ANKRD36C: variants seen among roughly 807,000 people sequenced by gnomAD.
The protein encoded by ANKRD36C is ankyrin repeat domain-containing protein 36C.
A neutral mutation model predicts 276.4 loss-of-function variants in ANKRD36C; 61 were observed. The ratio of observed to expected loss-of-function variants is 0.22; its 90% CI spans 0.18 to 0.27. The LOEUF is 0.27. ANKRD36C is among the 10% of genes least tolerant of loss of function. The probability of loss-of-function intolerance (pLI) is 1.00; values close to 1 mark genes in which losing one functional copy is unlikely to be tolerated. For missense variants in ANKRD36C, 1,447 were observed against 2,032.3 expected, an observed-to-expected ratio of 0.71 and a Z score of 5.54; for synonymous variants, 483 against 680.1, an observed-to-expected ratio of 0.71 and a Z score of 4.51.
At chr2:95,918,782 G>A (rs1190716701) in intron 34 of ANKRD36C, among the ~76,000 whole-genome samples, 4 of 151,118 alleles carry the variant, frequency 2.6e-5, no homozygotes, top group Admixed American at 2.0e-4. Flanking sequence ...TAAACCTGCA[G>A]CAAGCGTTAG....
chr2:95,959,186 T>C (rs1678399693), intron 10 of ANKRD36C, among the ~76,000 whole-genome samples: 2 of 152,254 alleles, frequency 1.3e-5, no homozygotes, highest in African/African-American at 2.4e-5. Context: ...GAGGGATTTA[T>C]ACCATTATAC....
At chr2:95,911,012 T>A (rs1189808584) in intron 42 of ANKRD36C, among the ~76,000 whole-genome samples, 3 of 151,446 alleles carry the variant, frequency 2.0e-5, no homozygotes, top group Admixed American at 6.6e-5. Context: ...ACTTGCCCAA[T>A]AACTGAGAAG....
chr2:95,888,110 C>G (rs1676246638), exon 49 of ANKRD36C: 1 of 1,608,872 alleles, frequency 6.2e-7, no homozygotes, highest in African/African-American at 1.3e-5. Flanking sequence ...CTGGTTGTTT[C>G]TGAGAAGACA....
intron 34 of ANKRD36C, among the ~76,000 whole-genome samples, chr2:95,920,198 C>T (rs1349947281): frequency 3.0e-5 from 4 of 132,386 alleles, no homozygotes; most frequent in African/African-American, 1.1e-4. Context: ...GTGGATATGC[C>T]GAGTGATGAG....
chr2:95,933,750 G>T (rs1677636646), intron 24 of ANKRD36C, among the ~76,000 whole-genome samples: 1 of 152,272 alleles, frequency 6.6e-6, no homozygotes, highest in Admixed American at 6.5e-5. Context: ...CTTCCTATTT[G>T]AATACCCTTT....
chr2:95,857,750 G>C (rs1211698075), intron 61 of ANKRD36C, among the ~76,000 whole-genome samples: 3 of 149,156 alleles, frequency 2.0e-5, no homozygotes, highest in African/African-American at 7.3e-5. Flanking sequence ...GCCCTGCAAA[G>C]TCTCTTGTGG....
At chr2:95,890,734 C>T (rs1189264014) in intron 46 of ANKRD36C, among the ~76,000 whole-genome samples, 3 of 151,512 alleles carry the variant, frequency 2.0e-5, no homozygotes, top group African/African-American at 4.8e-5. Flanking sequence ...CTGCTACAAG[C>T]ATTAGATATT....
intron 6 of ANKRD36C, among the ~76,000 whole-genome samples, chr2:95,967,635 T>C (rs1476025751): frequency 6.6e-6 from 1 of 152,116 alleles, no homozygotes; most frequent in Non-Finnish European, 1.5e-5. Flanking sequence ...ATCACATTAC[T>C]GGGCATATAC....
intron 59 of ANKRD36C, among the ~76,000 whole-genome samples, chr2:95,870,192 G>A (rs906497128): frequency 1.3e-5 from 2 of 152,342 alleles, no homozygotes; most frequent in East Asian, 1.9e-4. Flanking sequence ...GGAGATCTGA[G>A]AATGGGCAGA....
chr2:95,988,097 G>A (rs1679068443), intron 1 of ANKRD36C, among the ~76,000 whole-genome samples: 1 of 150,100 alleles, frequency 6.7e-6, no homozygotes, highest in South Asian at 2.1e-4. Flanking sequence ...CATAGAACAG[G>A]CAGTTCTACT....
intron 44 of ANKRD36C, among the ~76,000 whole-genome samples, chr2:95,894,019 T>G (rs1387440281): frequency 6.6e-6 from 1 of 151,456 alleles, no homozygotes; most frequent in Non-Finnish European, 1.5e-5. Flanking sequence ...TGAGAACAAA[T>G]GTGATCTAAA....
chr2:95,851,877 A>T (rs1675299995), intron 65 of ANKRD36C, 90 bp from the exon 86 acceptor site: 10 of 1,370,778 alleles, frequency 7.3e-6, no homozygotes, highest in Non-Finnish European at 9.9e-6. Flanking sequence ...GTATAATTAC[A>T]CAAATTCTTA....
At chr2:95,889,573 G>T (rs1310880608) in intron 48 of ANKRD36C, among the ~76,000 whole-genome samples, 1 of 151,452 alleles carries the variant, frequency 6.6e-6, no homozygotes, top group Non-Finnish European at 1.5e-5. Context: ...CGGTCAGATG[G>T]TTCTTTTTCC....
At chr2:95,977,744 C>G (rs1020687441) in intron 6 of ANKRD36C, among the ~76,000 whole-genome samples, 5 of 152,080 alleles carry the variant, frequency 3.3e-5, no homozygotes, top group African/African-American at 9.7e-5. Context: ...ATTATTGATT[C>G]ATTTAGTAAT....
chr2:95,952,806 A>G lies in ANKRD36C; in HGVS notation c.1203+1133T>C, dbSNP rs368253903. Among the ~76,000 whole-genome samples the G allele has an allele frequency of 1.6e-4, 25 of 152,398 alleles. No homozygotes were observed. In the East Asian group the frequency reaches 3.7e-3, roughly 22 times the overall value. On this transcript the variant is annotated intron_variant, in intron 14 of 66. Coordinates refer to ENST00000456556, the Ensembl canonical transcript of ANKRD36C. ...GTAACATTCCATTATGAGAAAGCCCATTTACCTGTTTGCTGATTCACATTA... is the reference window on the plus strand; with the variant it reads ...GTAACATTCCATTATGAGAAAGCCCGTTTACCTGTTTGCTGATTCACATTA...
chr2:95,962,163 T>A (rs535429851), intron 8 of ANKRD36C, among the ~76,000 whole-genome samples, 189 bp downstream of exon 8: 25 of 152,134 alleles, frequency 1.6e-4, no homozygotes, highest in African/African-American at 4.8e-4. Flanking sequence ...AAGAACATAA[T>A]CTTACTACTC....
intron 30 of ANKRD36C, among the ~76,000 whole-genome samples, chr2:95,924,561 GA>G (rs1194695397): frequency 6.6e-6 from 1 of 151,504 alleles, no homozygotes; most frequent in Non-Finnish European, 1.5e-5. Flanking sequence ...GTATTATAAA[GA>G]ATTTTCACTA....
intron 6 of ANKRD36C, among the ~76,000 whole-genome samples, chr2:95,976,960 G>A (rs1678824631): frequency 6.6e-6 from 1 of 151,966 alleles, no homozygotes; most frequent in Non-Finnish European, 1.5e-5. Context: ...GGTGTGGAGG[G>A]AAAGTTCACA....
chr2:95,902,705 C>T lies in ANKRD36C; in HGVS notation c.2654-3369G>A, dbSNP rs577274985. Among the ~76,000 whole-genome samples the T allele has an allele frequency of 2.3e-4, 34 of 150,398 alleles. 1 individual carries two copies. Among genetic ancestry groups the T allele is most frequent in the East Asian group, 2.0e-3 (10 of 5,070 alleles). On this transcript the variant is annotated intron_variant, in intron 42 of 66. Coordinates refer to ENST00000456556, the Ensembl canonical transcript of ANKRD36C. Reference sequence around the variant, plus strand: ...TATGGGGAAGTGTATAATCTTACTGCGAAGATCATGTTCCAGACCAGCATC... The same window carrying T: ...TATGGGGAAGTGTATAATCTTACTGTGAAGATCATGTTCCAGACCAGCATC...
Sources: allele counts gnomAD v4.1 joint callset (sites outside exome capture counted in the v4.1 genomes callset), GRCh38; gene constraint gnomAD v4.1.1; transcripts MANE v1.5; gene names NCBI Gene and HGNC (gene_info 2026-07-23, HGNC 2026-07-21).